The following ADORA1 variants were observed in gnomAD, a reference collection of about 807,000 sequenced individuals.
ADORA1 encodes adenosine receptor A1.
A neutral mutation model predicts 19.9 loss-of-function variants in ADORA1; 6 were observed. That is an observed-to-expected ratio of 0.30 (90% CI 0.17 to 0.59). ADORA1 has a LOEUF of 0.59. Among genes scored for constraint, ADORA1 ranks in the 20% least tolerant of loss-of-function variants. ADORA1 has a pLI of 0.87. For synonymous variants in ADORA1, 194 were observed against 188.4 expected, an observed-to-expected ratio of 1.03 and a Z score of -0.24; for missense variants, 302 against 439.2, an observed-to-expected ratio of 0.69 and a Z score of 2.79.
chr1:203,165,071 CA>C lies in ADORA1; in HGVS notation c.342-189del, dbSNP rs1329422886. On this transcript the variant is annotated intron_variant, in intron 3 of 3. Coordinates refer to ENST00000337894, the MANE Select transcript of ADORA1 (RefSeq NM_000674.3). The surrounding 1 kb of genome is among the most constrained non-coding windows in gnomAD (Gnocchi z 5.9). ...CTCTCTGTAGGAGAATAAGCCAATG[CA>C]TGGCAAGCACTAAATCTTAGATCCT... The C allele has an allele frequency of 6.4e-7, 1 of 1,550,496 alleles. No homozygotes were observed. The highest frequency in any genetic ancestry group is 1.4e-5 in the African/African-American group (1 of 73,038).
At chr1:203,155,136 G>A (rs888721349) in intron 3 of ADORA1, among the ~76,000 whole-genome samples, 1 of 151,870 alleles carries the variant, frequency 6.6e-6, no homozygotes, top group Non-Finnish European at 1.5e-5. Flanking sequence ...CCACCTCCCA[G>A]GTTCAAGCGA....
At chr1:203,155,980 C>T (rs1655186733) in intron 3 of ADORA1, among the ~76,000 whole-genome samples, 1 of 152,244 alleles carries the variant, frequency 6.6e-6, no homozygotes, top group Non-Finnish European at 1.5e-5. Flanking sequence ...CTCTTGTTCC[C>T]TGAGATGTAC....
chr1:203,146,355 A>G (rs1353286688), intron 3 of ADORA1, among the ~76,000 whole-genome samples: 9 of 152,206 alleles, frequency 5.9e-5, no homozygotes, highest in Non-Finnish European at 5.9e-5. Flanking sequence ...TTGGCCAGGC[A>G]TGGTGGCTCA....
chr1:203,144,650 C>A (rs1316552268), intron 3 of ADORA1: 1 of 152,216 alleles, frequency 6.6e-6, no homozygotes. Flanking sequence ...AGCCTTGACT[C>A]CAGTGCTTGC....
In ADORA1 at chr1:203,128,845, C is replaced by G. The variant is rs1019929241; in HGVS notation, c.4C>G (p.Pro2Ala). 6.3e-7 allele frequency: 1 copy of G among 1,592,804 alleles called. No homozygotes were observed. Among genetic ancestry groups the G allele is most frequent in the Non-Finnish European group, 8.5e-7 (1 of 1,171,956 alleles). ...ATGTGCCCAGCCTGTGCCCGCCATG[C>G]CGCCCTCCATCTCAGCTTTCCAGGC... M[P>A]PSISAFQAAY... Residue 2 changes from proline to alanine, a missense_variant, in exon 3 of 4, where the codon CCG becomes GCG. Transcript: ENST00000337894. This position sits in a 1 kb window ranked among gnomAD's most constrained non-coding sequence, Gnocchi z 5.9.
At chr1:203,132,489 T>C (rs1477672583) in intron 3 of ADORA1, among the ~76,000 whole-genome samples, 1 of 152,204 alleles carries the variant, frequency 6.6e-6, no homozygotes, top group African/African-American at 2.4e-5. Flanking sequence ...TAATTAGCTA[T>C]GCAACCTTTG....
intron 3 of ADORA1, among the ~76,000 whole-genome samples, chr1:203,153,161 T>C (rs1367440607): frequency 6.6e-6 from 1 of 152,104 alleles, no homozygotes; most frequent in Non-Finnish European, 1.5e-5. Context: ...CAGTCATGCA[T>C]GAAACCTTTG....
rs1467268767 is a variant in ADORA1 at position 203,128,586 on chromosome 1, T to C, written c.-58+154T>C. 6.6e-6 allele frequency among the ~76,000 whole-genome samples: 1 copy of C among 152,122 alleles called. No individual in the cohort carries two copies. The highest frequency in any genetic ancestry group is 2.4e-5 in the African/African-American group (1 of 41,426). ...AGGAGTGAGCGCTGCTATTTTAAGTTGCTGAATGGAACCTCTGGGAATGAT... is the reference window on the plus strand; with the variant it reads ...AGGAGTGAGCGCTGCTATTTTAAGTCGCTGAATGGAACCTCTGGGAATGAT... On this transcript the variant is annotated intron_variant, in intron 2 of 3. Coordinates refer to ENST00000337894, the MANE Select transcript of ADORA1 (RefSeq NM_000674.3). The surrounding 1 kb of genome is among the most constrained non-coding windows in gnomAD (Gnocchi z 5.9).
intron 3 of ADORA1, among the ~76,000 whole-genome samples, chr1:203,138,430 G>A (rs539617850): frequency 6.6e-6 from 1 of 152,274 alleles, no homozygotes; most frequent in Admixed American, 6.5e-5. Flanking sequence ...ACCAAGAACC[G>A]AGCATTGAGA....
chr1:203,139,689 G>A (rs960738968), intron 3 of ADORA1, among the ~76,000 whole-genome samples: 2 of 152,202 alleles, frequency 1.3e-5, no homozygotes, highest in East Asian at 1.9e-4. Context: ...ACCTTACCAC[G>A]GGCAAGAAGG....
Position 203,166,241 on chromosome 1 carries a change from G to A in ADORA1, c.*341G>A, listed in dbSNP as rs113443093. ...TCCTGGGGAGGCTGAGACTGCAGAG[G>A]AGCCACCTGGGCTGGGAGAAGGTGC... On this transcript the variant is annotated 3_prime_UTR_variant, in exon 4 of 4. Coordinates refer to ENST00000337894, the MANE Select transcript of ADORA1 (RefSeq NM_000674.3). 9.9e-4 allele frequency: 225 copies of A among 227,916 alleles called. 1 individual carries two copies. Among genetic ancestry groups the A allele is most frequent in the African/African-American group, 4.8e-3 (213 of 44,400 alleles). The allele number at this position is 227,916 out of a possible 1,614,324, so 14.1% of individuals were successfully genotyped here. A position where few individuals can be genotyped will look rare whatever the true frequency, so the allele number is the denominator to read the frequency against.
At chr1:203,141,571 G>T (rs1654691753) in intron 3 of ADORA1, among the ~76,000 whole-genome samples, 1 of 81,394 alleles carries the variant, frequency 1.2e-5, no homozygotes, top group African/African-American at 4.3e-5. Flanking sequence ...CTCTAACCTG[G>T]ATTTTTTTTT....
intron 3 of ADORA1, among the ~76,000 whole-genome samples, chr1:203,159,285 A>G (rs1211983673): frequency 6.6e-6 from 1 of 152,202 alleles, no homozygotes; most frequent in African/African-American, 2.4e-5. Context: ...AAAAACAGCA[A>G]TTCGATTATA....
At chr1:203,159,447 C>T (rs11800284) in intron 3 of ADORA1, among the ~76,000 whole-genome samples, 33,212 of 152,072 alleles carry the variant, frequency 0.22, 4,970 homozygotes, top group African/African-American at 0.42. Flanking sequence ...CCCTCTCTTG[C>T]CACTCTTGCC....
intron 3 of ADORA1, among the ~76,000 whole-genome samples, chr1:203,135,220 T>G (rs1654467719): frequency 6.6e-6 from 1 of 152,204 alleles, no homozygotes. Context: ...GCCGGAAAAA[T>G]TTTTGAATAA....
chr1:203,160,593 A>T (rs7544471), intron 3 of ADORA1, among the ~76,000 whole-genome samples: 10 of 152,310 alleles, frequency 6.6e-5, no homozygotes, highest in Non-Finnish European at 1.5e-4. Context: ...CAGGAGGATC[A>T]CTTGAGCCCT....
At chr1:203,159,592 T>C (rs73075714) in intron 3 of ADORA1, among the ~76,000 whole-genome samples, 33,448 of 152,104 alleles carry the variant, frequency 0.22, 5,040 homozygotes, top group African/African-American at 0.43. Flanking sequence ...CCACTCACTC[T>C]CTCCTGGGGT....
chr1:203,163,034 T>C (rs1220705327), intron 3 of ADORA1, among the ~76,000 whole-genome samples: 1 of 152,192 alleles, frequency 6.6e-6, no homozygotes, highest in Non-Finnish European at 1.5e-5. Flanking sequence ...GCCCGTAGAC[T>C]CATGCCCAGA....
intron 3 of ADORA1, among the ~76,000 whole-genome samples, chr1:203,159,334 G>A (rs1655291419): frequency 3.3e-5 from 5 of 152,162 alleles, no homozygotes; most frequent in Admixed American, 3.3e-4. Flanking sequence ...TCGTACTTAG[G>A]ATAAACCCCA....
Sources: gnomAD v4.1 joint callset for allele counts (sites outside exome capture counted in the v4.1 genomes callset) on GRCh38, gnomAD v4.1.1 for gene constraint, Gnocchi (gnomAD v3.1) non-coding constraint, MANE v1.5 for transcripts, NCBI Gene and HGNC (gene_info 2026-07-23, HGNC 2026-07-21) for gene names.